GRIA4: variants seen among roughly 807,000 people sequenced by gnomAD.
GRIA4 encodes glutamate receptor 4.
Under a neutral mutation model 104.0 loss-of-function variants are expected in GRIA4, and 34 were observed. The ratio of observed to expected loss-of-function variants is 0.33; its 90% CI spans 0.25 to 0.44. The LOEUF is 0.44. GRIA4 is among the 20% of genes least tolerant of loss of function. GRIA4 has a pLI of 1.00. For synonymous variants in GRIA4, 386 were observed against 381.9 expected (o/e 1.01, Z -0.13); for missense variants, 750 against 1,096.5 (o/e 0.68, Z 4.46).
chr11:105,965,827 T>C, intron 14 of GRIA4: 2 of 734,978 alleles, frequency 2.7e-6, no homozygotes, highest in Non-Finnish European at 4.7e-6. Context: ...GGCTGCAGGA[T>C]GGTAAAATGA....
intron 4 of GRIA4, among the ~76,000 whole-genome samples, chr11:105,830,900 T>C (rs970152349): frequency 9.9e-5 from 15 of 152,146 alleles, no homozygotes; most frequent in African/African-American, 3.6e-4. Flanking sequence ...AAAGTGTACA[T>C]GTCACTTTTA....
rs1277321942 is a variant in GRIA4 at position 105,903,861 on chromosome 11, T to C, written c.933T>C (p.Thr311=). 2.5e-6 allele frequency: 4 copies of C among 1,612,630 alleles called. No individual in the cohort carries two copies. The highest frequency in any genetic ancestry group is 1.7e-5 in the Admixed American group (1 of 60,016). ...ATGGAGTCCTTGTGATGGCTGAAAC[T>C]TTCCGAAGTCTTAGGAGGCAGAAAA... is the stretch of plus-strand genomic sequence containing the variant. The part of the protein sequence containing the change: ...TYDGVLVMAE[T]FRSLRRQKID... The change falls in exon 8 of 17, where the codon ACT becomes ACC. Residue 311 remains threonine, a synonymous_variant. Coordinates refer to ENST00000282499, the MANE Select transcript of GRIA4 (RefSeq NM_000829.4).
At chr11:105,912,162 T>A in intron 10 of GRIA4, 1 of 1,019,252 alleles carries the variant, frequency 9.8e-7, no homozygotes, top group Non-Finnish European at 1.2e-6. Flanking sequence ...ACATATCAAT[T>A]CCCCTATCTT....
chr11:105,878,858 A>C (rs544590049), intron 5 of GRIA4, among the ~76,000 whole-genome samples: 1 of 152,298 alleles, frequency 6.6e-6, no homozygotes, highest in Admixed American at 6.5e-5. Flanking sequence ...GAGCTAGACA[A>C]CTTGGCTCCC....
chr11:105,651,232 T>A (rs921713287), intron 3 of GRIA4, among the ~76,000 whole-genome samples: 1 of 152,182 alleles, frequency 6.6e-6, no homozygotes, highest in Non-Finnish European at 1.5e-5. Flanking sequence ...TAAATACTTT[T>A]TTTCAAGTAA....
intron 5 of GRIA4, among the ~76,000 whole-genome samples, chr11:105,868,301 A>T (rs1945499599): frequency 6.6e-6 from 1 of 152,186 alleles, no homozygotes; most frequent in Non-Finnish European, 1.5e-5. Flanking sequence ...GATTGGTTTG[A>T]AGCAAAAGTA....
chr11:105,831,832 G>A (rs1044524188), intron 4 of GRIA4, among the ~76,000 whole-genome samples: 2 of 151,978 alleles, frequency 1.3e-5, no homozygotes, highest in Non-Finnish European at 2.9e-5. Context: ...ATTCTAAGAC[G>A]CCATCGTATG....
intron 5 of GRIA4, among the ~76,000 whole-genome samples, chr11:105,878,199 G>A (rs1333590499): frequency 6.6e-6 from 1 of 152,172 alleles, no homozygotes; most frequent in Non-Finnish European, 1.5e-5. Context: ...GCAGTTGGCT[G>A]GAGGTTCACT....
intron 13 of GRIA4, among the ~76,000 whole-genome samples, chr11:105,929,243 A>G (rs1947804027): frequency 6.6e-6 from 1 of 152,052 alleles, no homozygotes; most frequent in Admixed American, 6.6e-5. Context: ...GTACCTGTCA[A>G]AATCATTTTC....
chr11:105,876,598 C>G (rs1331870331), intron 5 of GRIA4, among the ~76,000 whole-genome samples: 1 of 152,112 alleles, frequency 6.6e-6, no homozygotes, highest in South Asian at 2.1e-4. Context: ...CTGGGTGCTC[C>G]TGTATTGGGT....
chr11:105,864,829 C>T (rs1215606063), intron 5 of GRIA4, among the ~76,000 whole-genome samples: 6 of 151,992 alleles, frequency 3.9e-5, no homozygotes, highest in East Asian at 1.9e-4. Flanking sequence ...GAGATCGTGC[C>T]ATTACACTCC....
intron 4 of GRIA4, among the ~76,000 whole-genome samples, chr11:105,754,679 T>A (rs1010837518): frequency 2.0e-5 from 3 of 152,180 alleles, no homozygotes; most frequent in Non-Finnish European, 4.4e-5. Context: ...CCAATTCTGT[T>A]TTTTATTTAG....
At chr11:105,684,191 T>C (rs977186792) in intron 3 of GRIA4, among the ~76,000 whole-genome samples, 8 of 151,996 alleles carry the variant, frequency 5.3e-5, no homozygotes, top group African/African-American at 1.9e-4. Flanking sequence ...TATTCTTAAA[T>C]TGAGGGAATG....
intron 14 of GRIA4, among the ~76,000 whole-genome samples, chr11:105,944,703 T>C (rs1308606936): frequency 6.6e-6 from 1 of 152,212 alleles, no homozygotes; most frequent in Non-Finnish European, 1.5e-5. Flanking sequence ...CAGATGCTGC[T>C]GCTGCAACTC....
chr11:105,636,788 A>C (rs10895846), intron 3 of GRIA4, among the ~76,000 whole-genome samples: 47,843 of 152,136 alleles, frequency 0.31, 7,983 homozygotes, highest in Admixed American at 0.46. Flanking sequence ...GTCCCTCAAC[A>C]GCGAACCAAT....
chr11:105,921,419 C>T (rs1033295923), intron 11 of GRIA4, among the ~76,000 whole-genome samples: 1 of 151,616 alleles, frequency 6.6e-6, no homozygotes, highest in Non-Finnish European at 1.5e-5. Flanking sequence ...CCTGTGGAGA[C>T]ATTTTACACA....
intron 8 of GRIA4, among the ~76,000 whole-genome samples, chr11:105,904,904 A>G (rs189623468): frequency 6.4e-4 from 98 of 152,266 alleles, no homozygotes; most frequent in African/African-American, 2.3e-3. Context: ...CCATTCCTAT[A>G]AAAATACTTT....
chr11:105,749,016 C>G (rs111632719), intron 3 of GRIA4, among the ~76,000 whole-genome samples: 18 of 152,022 alleles, frequency 1.2e-4, no homozygotes, highest in African/African-American at 4.3e-4. Context: ...AAAGGCGGAT[C>G]GAGAGAGAAT....
intron 3 of GRIA4, among the ~76,000 whole-genome samples, chr11:105,715,027 T>C (rs547998144): frequency 3.3e-5 from 5 of 152,242 alleles, no homozygotes; most frequent in Non-Finnish European, 5.9e-5. Context: ...ACAATCACAA[T>C]TGATTGCAAC....
Sources: allele counts gnomAD v4.1 joint callset (sites outside exome capture counted in the v4.1 genomes callset), GRCh38; gene constraint gnomAD v4.1.1; transcripts MANE v1.5; gene names NCBI Gene and HGNC (gene_info 2026-07-23, HGNC 2026-07-21).